The following KATNBL1 variants were observed in gnomAD, a reference collection of about 807,000 sequenced individuals.
KATNBL1 encodes the protein katanin regulatory subunit B1 like 1.
Under a neutral mutation model 44.7 loss-of-function variants are expected in KATNBL1, and 28 were observed. The observed-to-expected ratio is 0.63, with a 90% CI of 0.46 to 0.86. KATNBL1 has a LOEUF of 0.86. Among genes scored for constraint, KATNBL1 ranks in the 40% least tolerant of loss-of-function variants. The pLI, the probability that KATNBL1 is intolerant of heterozygous loss-of-function variation, is 0.00. For missense variants in KATNBL1, 272 were observed against 350.7 expected (o/e 0.78, Z 1.79); for synonymous variants, 78 against 114.9 (o/e 0.68, Z 2.06).
intron 1 of KATNBL1, among the ~76,000 whole-genome samples, chr15:34,186,379 G>C (rs770347741): frequency 2.6e-5 from 4 of 152,196 alleles, no homozygotes; most frequent in Non-Finnish European, 5.9e-5. Flanking sequence ...GCCCTGCCCA[G>C]GTGGGCTACA....
chr15:34,159,660 T>C (rs967637297), intron 2 of KATNBL1, among the ~76,000 whole-genome samples: 5 of 152,200 alleles, frequency 3.3e-5, no homozygotes, highest in Admixed American at 1.3e-4. Flanking sequence ...CTTTTGACCA[T>C]ACCTTGGGAT....
chr15:34,170,937 A>G (rs915307041), intron 1 of KATNBL1, among the ~76,000 whole-genome samples: 3 of 152,230 alleles, frequency 2.0e-5, no homozygotes, highest in Non-Finnish European at 2.9e-5. Flanking sequence ...AATTAATTCA[A>G]GATGGATTAA....
intron 1 of KATNBL1, among the ~76,000 whole-genome samples, chr15:34,189,413 A>G (rs192595270): frequency 1.9e-3 from 285 of 152,368 alleles, no homozygotes; most frequent in Middle Eastern, 3.4e-3. Flanking sequence ...CCTTGTATAA[A>G]TCTAACATCA....
At chr15:34,193,549 T>G (rs1889947544) in intron 1 of KATNBL1, among the ~76,000 whole-genome samples, 1 of 151,744 alleles carries the variant, frequency 6.6e-6, no homozygotes, top group Non-Finnish European at 1.5e-5. Flanking sequence ...AATAAATTAA[T>G]TAATTAAAAT....
chr15:34,206,337 T>C (rs1042980082), intron 1 of KATNBL1, among the ~76,000 whole-genome samples: 1 of 152,172 alleles, frequency 6.6e-6, no homozygotes, highest in Non-Finnish European at 1.5e-5. Flanking sequence ...GGGAGTCCTT[T>C]CAAAATACCT....
chr15:34,165,679 C>CGG (rs1257853550), intron 1 of KATNBL1, among the ~76,000 whole-genome samples: 19 of 152,242 alleles, frequency 1.2e-4, no homozygotes, highest in African/African-American at 1.7e-4. Flanking sequence ...CCTGTAATCC[C>CGG]AGCTACCTGG....
intron 2 of KATNBL1, among the ~76,000 whole-genome samples, chr15:34,162,461 G>A (rs1888836334): frequency 6.6e-6 from 1 of 152,144 alleles, no homozygotes; most frequent in Non-Finnish European, 1.5e-5. Context: ...TTTCTTTAGA[G>A]ATTACCCAGT....
At chr15:34,156,263 C>T (rs1222429694) in intron 2 of KATNBL1, among the ~76,000 whole-genome samples, 1 of 152,152 alleles carries the variant, frequency 6.6e-6, no homozygotes, top group East Asian at 1.9e-4. Flanking sequence ...CTGGATGGCC[C>T]TCGGGGGCTA....
intron 1 of KATNBL1, among the ~76,000 whole-genome samples, chr15:34,202,797 C>A (rs2141005099): frequency 6.6e-6 from 1 of 152,244 alleles, no homozygotes; most frequent in East Asian, 1.9e-4. Flanking sequence ...TCGAGACCAG[C>A]CTGGCTAATA....
intron 1 of KATNBL1, chr15:34,177,810 T>G (rs993596534): frequency 1.3e-5 from 2 of 152,112 alleles, no homozygotes; most frequent in Non-Finnish European, 2.9e-5. Flanking sequence ...TACAATATAT[T>G]TATCACTTAC....
chr15:34,193,946 T>C (rs1023335968), intron 1 of KATNBL1, among the ~76,000 whole-genome samples: 14 of 151,594 alleles, frequency 9.2e-5, no homozygotes, highest in Non-Finnish European at 1.6e-4. Flanking sequence ...TTCTTTGTCG[T>C]TTTTTATTTT....
Position 34,181,807 on chromosome 15 carries a change from C to T in KATNBL1, c.-14-18117G>A, listed in dbSNP as rs1240881713. Among the ~76,000 whole-genome samples the T allele has an allele frequency of 5.5e-4, 36 of 65,508 alleles. 2 individuals carry two copies. Among genetic ancestry groups the T allele is most frequent in the South Asian group, 4.7e-3 (8 of 1,694 alleles). 43.0% of individuals were successfully genotyped at this position (65,508 alleles called of 152,430 possible). On this transcript the variant is annotated intron_variant, in intron 1 of 9. Coordinates refer to ENST00000256544, the MANE Select transcript of KATNBL1 (RefSeq NM_024713.3). ...GTCCATATATATATCCATATATATA[C>T]ATATATACATGTCCATATATATCCA...
At chr15:34,159,994 T>C (rs1888748840) in intron 2 of KATNBL1, among the ~76,000 whole-genome samples, 1 of 152,122 alleles carries the variant, frequency 6.6e-6, no homozygotes, top group Admixed American at 6.5e-5. Flanking sequence ...CAAATTTAGG[T>C]CCCACTTGTA....
chr15:34,153,755 G>T (rs538227725), intron 3 of KATNBL1, among the ~76,000 whole-genome samples: 2 of 152,040 alleles, frequency 1.3e-5, no homozygotes, highest in Admixed American at 6.6e-5. Flanking sequence ...ATTTTTAGTA[G>T]AGACAGGGTT....
chr15:34,183,299 T>C (rs1393639275), intron 1 of KATNBL1, among the ~76,000 whole-genome samples: 1 of 152,200 alleles, frequency 6.6e-6, no homozygotes, highest in East Asian at 1.9e-4. Flanking sequence ...GTCAGGCCAA[T>C]GGGAGTTAAA....
intron 1 of KATNBL1, among the ~76,000 whole-genome samples, chr15:34,175,683 A>C (rs898263761): frequency 6.6e-6 from 1 of 152,226 alleles, no homozygotes; most frequent in African/African-American, 2.4e-5. Context: ...AGACAATAAC[A>C]ATGTTGAGAA....
At chr15:34,161,531 G>C (rs1366178682) in intron 2 of KATNBL1, among the ~76,000 whole-genome samples, 2 of 152,222 alleles carry the variant, frequency 1.3e-5, no homozygotes, top group African/African-American at 2.4e-5. Flanking sequence ...TCTGCAGAAG[G>C]GTGCCAATCA....
In KATNBL1 at chr15:34,145,421, C is replaced by T; in HGVS notation, c.859G>A (p.Gly287Arg). The T allele has an allele frequency of 6.8e-7, 1 of 1,470,258 alleles. No individual in the cohort carries two copies. The highest frequency in any genetic ancestry group is 9.0e-7 in the Non-Finnish European group (1 of 1,115,778). The allele number at this position is 1,470,258 out of a possible 1,614,324, so 91.1% of individuals were successfully genotyped here. The part of the protein sequence containing the change: ...EQENHLTLVP[G>R]YTGNIAKDVD... ...ACCTTAGCTATATTACCAGTATATCCTGGAACCAAAGTAAGATGGTTTTCC... is the reference window on the plus strand; with the variant it reads ...ACCTTAGCTATATTACCAGTATATCTTGGAACCAAAGTAAGATGGTTTTCC... Residue 287 changes from glycine (G) to arginine (R), a missense_variant, in exon 9 of 10, where the codon GGA (glycine) becomes AGA (arginine). This residue lies in a region of KATNBL1 where 39 missense variants were observed against 76.3 expected (regional missense o/e 0.51). Transcript: ENST00000256544.
intron 1 of KATNBL1, among the ~76,000 whole-genome samples, chr15:34,175,672 C>T (rs547246904): frequency 1.3e-5 from 2 of 152,164 alleles, no homozygotes; most frequent in East Asian, 3.8e-4. Context: ...CTAAAAAAGA[C>T]AGACAATAAC....
Sources: allele counts gnomAD v4.1 joint callset (sites outside exome capture counted in the v4.1 genomes callset), GRCh38; gene constraint gnomAD v4.1.1; regional missense constraint gnomAD v4.1.1; transcripts MANE v1.5; gene names NCBI Gene and HGNC (gene_info 2026-07-23, HGNC 2026-07-21).